The following GPHN variants were observed in gnomAD, a reference collection of about 807,000 sequenced individuals.
GPHN encodes the protein gephyrin.
GPHN carries 17 observed loss-of-function variants against 95.5 expected under a neutral mutation model. The observed-to-expected ratio is 0.18, with a 90% CI of 0.12 to 0.27. The LOEUF (loss-of-function observed/expected upper bound fraction) is 0.27, where lower values mean the gene tolerates loss of function less well. Among genes scored for constraint, GPHN ranks in the 10% least tolerant of loss-of-function variants. The probability of loss-of-function intolerance (pLI) is 1.00; values close to 1 mark genes in which losing one functional copy is unlikely to be tolerated. For missense variants in GPHN, 660 were observed against 978.1 expected (o/e 0.67, Z 4.34); for synonymous variants, 320 against 322.5 (o/e 0.99, Z 0.08).
chr14:67,225,962 T>TGTGTGTGTGTGTGTGTGTGC, the GPHN span, among the ~76,000 whole-genome samples: 44 of 113,480 alleles, frequency 3.9e-4, no homozygotes, highest in South Asian at 5.9e-4. Context: ...TGTGTGTGTG[T>TGTGTGTGTGTGTGTGTGTGC]GCGCGCGCGC....
At chr14:67,558,082 C>A in the GPHN span, among the ~76,000 whole-genome samples, 3 of 152,220 alleles carry the variant, frequency 2.0e-5, no homozygotes, top group African/African-American at 7.2e-5. Context: ...CCACTTGGCA[C>A]CTTTGCTCCT....
chr14:67,437,196 T>A, the GPHN span, among the ~76,000 whole-genome samples: 1 of 152,244 alleles, frequency 6.6e-6, no homozygotes, highest in Non-Finnish European at 1.5e-5. Context: ...AATGCTGTGC[T>A]GGGAAGCTAC....
intron 11 of GPHN, among the ~76,000 whole-genome samples, chr14:67,076,197 A>C (rs2076486638): frequency 6.6e-6 from 1 of 152,152 alleles, no homozygotes; most frequent in Non-Finnish European, 1.5e-5. Flanking sequence ...CACCAGCAAA[A>C]ACGTTACAAC....
the GPHN span, chr14:67,301,917 T>G: frequency 6.5e-7 from 1 of 1,535,908 alleles, no homozygotes; most frequent in Admixed American, 2.2e-5. Context: ...TAAAAATCAC[T>G]CTGCAGAAAT....
At chr14:67,159,307 A>G in intron 18 of GPHN, 108 bp from the exon 19 acceptor site, 1 of 779,610 alleles carries the variant, frequency 1.3e-6, no homozygotes. Flanking sequence ...TAAAATAAGA[A>G]AGATGTTTCT....
intron 8 of GPHN, among the ~76,000 whole-genome samples, chr14:66,938,759 A>C (rs894080538): frequency 6.6e-6 from 1 of 152,244 alleles, no homozygotes; most frequent in Non-Finnish European, 1.5e-5. Context: ...AAACATCAAA[A>C]TTTGTTCATA....
the GPHN span, among the ~76,000 whole-genome samples, chr14:67,507,534 G>A: frequency 3.1e-4 from 47 of 151,792 alleles, no homozygotes; most frequent in Non-Finnish European, 5.0e-4. Context: ...TTGCAGCCTC[G>A]ACCTCCCAGG....
intron 10 of GPHN, among the ~76,000 whole-genome samples, chr14:67,030,913 G>A (rs1385736656): frequency 1.3e-5 from 2 of 152,120 alleles, no homozygotes; most frequent in Admixed American, 6.5e-5. Context: ...CAGCAGAATT[G>A]CTAAATAAGA....
intron 1 of GPHN, among the ~76,000 whole-genome samples, chr14:66,571,029 T>C (rs2084534159): frequency 6.6e-6 from 1 of 152,202 alleles, no homozygotes; most frequent in African/African-American, 2.4e-5. Context: ...ATCAAACGTA[T>C]GGGGTGTATT....
At chr14:67,152,234 A>G (rs941536609) in intron 18 of GPHN, among the ~76,000 whole-genome samples, 3 of 152,202 alleles carry the variant, frequency 2.0e-5, no homozygotes, top group Non-Finnish European at 2.9e-5. Flanking sequence ...GAATCTTACA[A>G]TGATATACTT....
At chr14:67,541,611 G>C in the GPHN span, among the ~76,000 whole-genome samples, 3 of 152,242 alleles carry the variant, frequency 2.0e-5, no homozygotes, top group South Asian at 6.2e-4. Flanking sequence ...CAGGTTTCGC[G>C]GTTTCCTGAG....
At chr14:67,106,712 G>C (rs1348548726) in intron 13 of GPHN, among the ~76,000 whole-genome samples, 1 of 151,814 alleles carries the variant, frequency 6.6e-6, no homozygotes, top group Non-Finnish European at 1.5e-5. Context: ...GAATTGTTTT[G>C]CTGATTTTGT....
intron 2 of GPHN, among the ~76,000 whole-genome samples, chr14:66,767,461 AAAG>A (rs960663291): frequency 6.6e-6 from 1 of 151,252 alleles, no homozygotes; most frequent in Non-Finnish European, 1.5e-5. Context: ...AAAAAAAAGA[AAAG>A]AGGGAAAATG....
At chr14:66,876,895 C>T (rs1449963229) in intron 4 of GPHN, among the ~76,000 whole-genome samples, 1 of 151,978 alleles carries the variant, frequency 6.6e-6, no homozygotes, top group Non-Finnish European at 1.5e-5. Flanking sequence ...ACTTACTCTA[C>T]GAGGCCAGCA....
the GPHN span, among the ~76,000 whole-genome samples, chr14:67,258,355 C>A: frequency 6.6e-6 from 1 of 152,200 alleles, no homozygotes; most frequent in African/African-American, 2.4e-5. Context: ...GGCAATGTGG[C>A]GAAACCCCGT....
chr14:67,526,470 T>G, the GPHN span, among the ~76,000 whole-genome samples: 1 of 152,256 alleles, frequency 6.6e-6, no homozygotes, highest in Non-Finnish European at 1.5e-5. Context: ...TGGTGCCAGA[T>G]GCATGGAACT....
At chr14:66,865,602 A>G (rs1300433659) in intron 4 of GPHN, among the ~76,000 whole-genome samples, 1 of 152,168 alleles carries the variant, frequency 6.6e-6, no homozygotes, top group East Asian at 1.9e-4. Context: ...TTAGGTACAG[A>G]AGAAGCCTAT....
intron 18 of GPHN, among the ~76,000 whole-genome samples, chr14:67,148,985 G>C (rs2081076050): frequency 6.6e-6 from 1 of 152,110 alleles, no homozygotes; most frequent in Admixed American, 6.5e-5. Context: ...AATCAGATAT[G>C]AGAATCTGAC....
chr14:67,398,483 T>C, the GPHN span, among the ~76,000 whole-genome samples: 1 of 152,166 alleles, frequency 6.6e-6, no homozygotes, highest in African/African-American at 2.4e-5. Flanking sequence ...CCCTTCTCTT[T>C]ATTCCTGCCA....
Sources: allele counts gnomAD v4.1 joint callset (sites outside exome capture counted in the v4.1 genomes callset), GRCh38; gene constraint gnomAD v4.1.1; transcripts MANE v1.5; gene names NCBI Gene and HGNC (gene_info 2026-07-23, HGNC 2026-07-21).